Variants in CEP250 observed in about 807,000 individuals in gnomAD.
CEP250 encodes centrosomal protein 250.
Under a neutral mutation model 315.7 loss-of-function variants are expected in CEP250, and 242 were observed. The observed-to-expected ratio is 0.77, with a 90% CI of 0.69 to 0.85. CEP250 has a LOEUF of 0.85. Among genes scored for constraint, CEP250 ranks in the 40% least tolerant of loss-of-function variants. The probability of loss-of-function intolerance (pLI) is 0.00; values close to 1 mark genes in which losing one functional copy is unlikely to be tolerated. For missense variants in CEP250, 2,515 were observed against 2,886.4 expected, an observed-to-expected ratio of 0.87 and a Z score of 2.95; for synonymous variants, 1,088 against 1,175.0, an observed-to-expected ratio of 0.93 and a Z score of 1.51.
chr20:35,459,263 AT>A (rs1438095447), intron 2 of CEP250, among the ~76,000 whole-genome samples: 1 of 151,852 alleles, frequency 6.6e-6, no homozygotes, highest in African/African-American at 2.4e-5. Flanking sequence ...TAGCTTTAAA[AT>A]TTTTTAATTA....
rs1024622282 is a variant in CEP250, at chr20:35,504,033, G to A, written c.5664G>A (p.Val1888=). The A allele has an allele frequency of 1.9e-6, 3 of 1,607,354 alleles. No individual in the cohort carries two copies. The highest frequency in any genetic ancestry group is 2.6e-6 in the Non-Finnish European group (3 of 1,176,226). ...GGCGGGTCCAGGCCCTGGAGGAGGT[G>A]CTGGGAGACCTAAGGGCTGAGTCTC... ...EGRRVQALEE[V]LGDLRAESRE... The change falls in exon 30 of 35, where the codon GTG becomes GTA. Residue 1888 remains valine (V), a synonymous_variant. Transcript: ENST00000397527.
rs779963815 is a variant in CEP250 at position 35,473,401 on chromosome 20, C to T, written c.1237C>T (p.Gln413Ter). ...QDLRQQLAGC[Q>*]EAVNLLQQQH... The stretch of plus-strand genomic sequence containing the variant: ...CCTAAGGCAGCAGCTTGCAGGCTGT[C>T]AAGAGGCTGTGAACTTGTTGCAACA... Residue 413 changes from glutamine to a stop codon, truncating the protein, a stop_gained, in exon 13 of 35, where the codon CAA becomes TAA. Transcript: ENST00000397527. LOFTEE classifies it high-confidence loss of function. 2 of 1,613,866 alleles carry T rather than the reference C, an allele frequency of 1.2e-6. No homozygotes were observed. The highest frequency in any genetic ancestry group is 1.7e-5 in the Admixed American group (1 of 60,014).
At chr20:35,473,615 C>A in intron 13 of CEP250, 63 bp downstream of exon 13, 1 of 1,472,866 alleles carries the variant, frequency 6.8e-7, no homozygotes, top group Non-Finnish European at 9.1e-7. Context: ...CACCATCCAG[C>A]CATTTACCCA....
chr20:35,456,555 ATCTT>A (rs1173460965), intron 1 of CEP250, among the ~76,000 whole-genome samples: 1 of 152,190 alleles, frequency 6.6e-6, no homozygotes, highest in Non-Finnish European at 1.5e-5. Flanking sequence ...TAGTTCTTCT[ATCTT>A]TCTTTGCTCC....
At position 35,516,953 on chromosome 20, in the gene CEP250, C is replaced by T; in HGVS notation, c.*5327C>T. Reference sequence around the variant, plus strand: ...CAGGTGAGCATAAGCTCAAACCCCCCCATTGAAGGCTACATTCTTGTCCCA... The same window carrying T: ...CAGGTGAGCATAAGCTCAAACCCCCTCATTGAAGGCTACATTCTTGTCCCA... On this transcript the variant is annotated 3_prime_UTR_variant, in exon 35 of 35. Transcript: ENST00000397527. The T allele has an allele frequency of 1.0e-6, 1 of 985,190 alleles. No individual in the cohort carries two copies. Among genetic ancestry groups the T allele is most frequent in the Non-Finnish European group, 1.2e-6 (1 of 829,664 alleles). The allele number at this position is 985,190 out of a possible 1,614,324, so 61.0% of individuals were successfully genotyped here. A position where few individuals can be genotyped will look rare whatever the true frequency, so the allele number is the denominator to read the frequency against.
rs544060421 is a variant in CEP250 at position 35,469,965 on chromosome 20, G to C, written c.927G>C (p.Leu309=). Reference sequence around the variant, plus strand: ...ATTATGAAAAGATGATAAAGGCTCTGAGAGAGACAGTGGAGATCCTGGTAC... The same window carrying C: ...ATTATGAAAAGATGATAAAGGCTCTCAGAGAGACAGTGGAGATCCTGGTAC... ...NEDYEKMIKA[L]RETVEILETN... is the part of the protein sequence containing the mutation. Residue 309 remains leucine, a synonymous_variant, in exon 10 of 35, where the codon CTG becomes CTC. Coordinates refer to ENST00000397527, the MANE Select transcript of CEP250 (RefSeq NM_007186.6). 6.2e-7 allele frequency: 1 copy of C among 1,613,402 alleles called. No individual in the cohort carries two copies. Among genetic ancestry groups the C allele is most frequent in the Non-Finnish European group, 8.5e-7 (1 of 1,179,356 alleles).
chr20:35,509,079 G>A (rs1253842492), intron 33 of CEP250, 35 bp downstream of exon 33: 2 of 1,521,186 alleles, frequency 1.3e-6, no homozygotes, highest in East Asian at 4.9e-5. Flanking sequence ...GCCTTAGAGA[G>A]CCCAACCCCA....
chr20:35,480,564 A>G (rs1466978571), intron 20 of CEP250, among the ~76,000 whole-genome samples: 2 of 135,578 alleles, frequency 1.5e-5, no homozygotes, highest in South Asian at 2.5e-4. Flanking sequence ...GTGCCATCTT[A>G]TGTTATTTGT....
intron 12 of CEP250, 94 bp downstream of exon 12, chr20:35,472,925 AC>A: frequency 8.0e-7 from 1 of 1,256,322 alleles, no homozygotes; most frequent in Non-Finnish European, 1.1e-6. Context: ...TATCCCTTTC[AC>A]TTTTTTGACC....
chr20:35,475,476 C>T lies in CEP250; in HGVS notation c.1572-26C>T, dbSNP rs1325483790. Reference sequence around the variant, plus strand: ...TTATGGCCCATCCCTAAGAGTTCCTCTAGACCCCTCTCTTTCCCATCTTAG... The same window carrying T: ...TTATGGCCCATCCCTAAGAGTTCCTTTAGACCCCTCTCTTTCCCATCTTAG... On this transcript the variant is annotated intron_variant, in intron 14 of 34. Coordinates refer to ENST00000397527, the MANE Select transcript of CEP250 (RefSeq NM_007186.6). 4 of 1,613,002 alleles carry T rather than the reference C, an allele frequency of 2.5e-6. No individual in the cohort carries two copies. In the South Asian group the frequency reaches 3.3e-5, roughly 13 times the overall value.
chr20:35,468,902 C>G (rs2062957702), intron 9 of CEP250, among the ~76,000 whole-genome samples: 1 of 151,974 alleles, frequency 6.6e-6, no homozygotes, highest in African/African-American at 2.4e-5. Flanking sequence ...GTCTGGAACT[C>G]CTGAGCTCAA....
At chr20:35,499,582 G>GT (rs2063943764) in intron 27 of CEP250, among the ~76,000 whole-genome samples, 1 of 152,230 alleles carries the variant, frequency 6.6e-6, no homozygotes, top group East Asian at 1.9e-4. Context: ...TTGTGACATG[G>GT]TGGAGGAACC....
chr20:35,497,835 C>T lies in CEP250; in HGVS notation c.3423C>T (p.Ser1141=), dbSNP rs1031712526. 1.3e-6 allele frequency: 2 copies of T among 1,578,608 alleles called. No individual in the cohort carries two copies. Among genetic ancestry groups the T allele is most frequent in the Non-Finnish European group, 8.6e-7 (1 of 1,162,080 alleles). ...SHITEQQLRA[S]LWAQEAKAAQ... ...TCACGGAGCAGCAGCTGCGAGCCTC[C>T]TTGTGGGCCCAGGAAGCCAAGGCAG... is the stretch of plus-strand genomic sequence containing the variant. Residue 1141 remains serine (S), a synonymous_variant, in exon 26 of 35, where the codon TCC becomes TCT. Transcript: ENST00000397527.
chr20:35,504,463 C>T lies in CEP250; in HGVS notation c.6094C>T (p.Arg2032Ter), dbSNP rs773637285. ...AGGTGAGATCCAGGACCAGGATCTC[C>T]GATACCAGGAGGATGTGCAGCAGCT... ...QEGEIQDQDL[R>*]YQEDVQQLQQ... The change falls in exon 30 of 35, where the codon CGA (arginine) becomes TGA (stop). Residue 2032 changes from arginine (R) to a stop codon, truncating the protein, a stop_gained. Transcript: ENST00000397527. LOFTEE classifies it high-confidence loss of function. 3.7e-6 allele frequency: 6 copies of T among 1,612,750 alleles called. No individual in the cohort carries two copies. In the African/African-American group the frequency reaches 4.0e-5, roughly 11 times the overall value.
At chr20:35,490,939 G>C in intron 21 of CEP250, 135 bp downstream of exon 21, 1 of 1,059,916 alleles carries the variant, frequency 9.4e-7, no homozygotes, top group Non-Finnish European at 1.4e-6. Flanking sequence ...TTTGCTAACA[G>C]TGAGCAGGGT....
chr20:35,496,135 G>C (rs760630710), intron 24 of CEP250, among the ~76,000 whole-genome samples: 4 of 152,098 alleles, frequency 2.6e-5, no homozygotes, highest in African/African-American at 7.2e-5. Flanking sequence ...CATGTTGAAC[G>C]TGAGGTACTA....
At position 35,501,825 on chromosome 20, in the gene CEP250, C is replaced by T. The variant is rs2064012614; in HGVS notation, c.3899-20C>T. ...GGTCTTACTCCACTACCTCTCCTCT[C>T]CTCTCCTCTCTTCTCAAAGAGAAAT... is the stretch of plus-strand genomic sequence containing the variant. On this transcript the variant is annotated intron_variant, in intron 28 of 34. Coordinates refer to ENST00000397527, the MANE Select transcript of CEP250 (RefSeq NM_007186.6). The T allele has an allele frequency of 7.0e-7, 1 of 1,426,878 alleles. No homozygotes were observed. Among genetic ancestry groups the T allele is most frequent in the Admixed American group, 2.5e-5 (1 of 39,252 alleles). 88.4% of individuals were successfully genotyped at this position (1,426,878 alleles called of 1,614,324 possible). A position where few individuals can be genotyped will look rare whatever the true frequency, so the allele number is the denominator to read the frequency against.
chr20:35,506,012 G>A (rs1297268280), intron 30 of CEP250, among the ~76,000 whole-genome samples: 1 of 152,210 alleles, frequency 6.6e-6, no homozygotes, highest in Non-Finnish European at 1.5e-5. Flanking sequence ...GGGAAGTCCA[G>A]GGGAGAGCTT....
intron 22 of CEP250, among the ~76,000 whole-genome samples, chr20:35,493,076 A>T (rs1413367617): frequency 1.3e-5 from 2 of 152,156 alleles, no homozygotes; most frequent in East Asian, 3.9e-4. Flanking sequence ...TTATTTATAT[A>T]TACGTATACA....
Sources: allele counts gnomAD v4.1 joint callset (sites outside exome capture counted in the v4.1 genomes callset), GRCh38; gene constraint gnomAD v4.1.1; transcripts MANE v1.5; gene names NCBI Gene and HGNC (gene_info 2026-07-23, HGNC 2026-07-21).